The following TAF10 variants were observed in gnomAD, a reference collection of about 807,000 sequenced individuals.
TAF10 encodes TATA-box binding protein associated factor 10.
TAF10 carries 2 observed loss-of-function variants against 18.1 expected under a neutral mutation model. The observed-to-expected ratio is 0.11, with a 90% CI of 0.05 to 0.35. The LOEUF (loss-of-function observed/expected upper bound fraction) is 0.35, where lower values mean the gene tolerates loss of function less well. Ranked by LOEUF, TAF10 falls within the 10% of genes least tolerant of loss-of-function variation. The probability of loss-of-function intolerance (pLI) is 1.00; values close to 1 mark genes in which losing one functional copy is unlikely to be tolerated. For synonymous variants in TAF10, 158 were observed against 134.6 expected, an observed-to-expected ratio of 1.17 and a Z score of -1.20; for missense variants, 293 against 306.9, an observed-to-expected ratio of 0.95 and a Z score of 0.34.
rs1855482638 is a variant in TAF10, at chr11:6,612,123, G to A, written c.67C>T (p.Pro23Ser). Residue 23 changes from proline to serine, a missense_variant, in exon 1 of 5, where the codon CCC becomes TCC. Physicochemically the swap from Pro to Ser is moderately conservative, Grantham distance 74 (BLOSUM62 -1). Transcript: ENST00000299424. ...GCGGGAGCCGAGACCGGGGGCGCGG[G>A]GCCCGGGGCCGAGGCGGCGGAGGCC... Reference protein sequence around the residue: ...APASAASAPGPAPPVSAPAAL... With the variant: ...APASAASAPGSAPPVSAPAAL... 4.1e-6 allele frequency: 5 copies of A among 1,209,736 alleles called. No homozygotes were observed. The highest frequency in any genetic ancestry group is 4.1e-6 in the Non-Finnish European group (4 of 974,894). 74.9% of individuals were successfully genotyped at this position (1,209,736 alleles called of 1,614,324 possible). A position where few individuals can be genotyped will look rare whatever the true frequency, so the allele number is the denominator to read the frequency against.
At position 6,609,218 on chromosome 11, in the gene TAF10, T is replaced by C. The variant is rs958923887; in HGVS notation, c.*1704A>G. ...CCCCATAAATTACTTGCTTTGTACC[T>C]GTTTTAAGTTTTTCCTCCAGTTAGT... On this transcript the variant is annotated 3_prime_UTR_variant, in exon 5 of 5. Coordinates refer to ENST00000299424, the MANE Select transcript of TAF10 (RefSeq NM_006284.4). 6.2e-7 allele frequency: 1 copy of C among 1,600,290 alleles called. No homozygotes were observed. The highest frequency in any genetic ancestry group is 2.2e-5 in the East Asian group (1 of 44,806).
Position 6,608,380 on chromosome 11 carries a change from G to C in TAF10, c.*2542C>G, listed in dbSNP as rs1397042828. Reference sequence around the variant, plus strand: ...ACTTTCTGCCTCTTCTTTTTGTCTGGCCATGGGGTCCAGCTATTGCAGTAC... The same window carrying C: ...ACTTTCTGCCTCTTCTTTTTGTCTGCCCATGGGGTCCAGCTATTGCAGTAC... On this transcript the variant is annotated 3_prime_UTR_variant, in exon 5 of 5. Transcript: ENST00000299424. This position sits in a 1 kb window ranked among gnomAD's most constrained non-coding sequence, Gnocchi z 4.9. The C allele has an allele frequency of 6.2e-7, 1 of 1,612,158 alleles. No homozygotes were observed. The highest frequency in any genetic ancestry group is 2.2e-5 in the East Asian group (1 of 44,870).
At position 6,611,455 on chromosome 11, in the gene TAF10, G is replaced by A; in HGVS notation, c.388-3C>T. 6.2e-7 allele frequency: 1 copy of A among 1,614,118 alleles called. No individual in the cohort carries two copies. Among genetic ancestry groups the A allele is most frequent in the Non-Finnish European group, 8.5e-7 (1 of 1,180,024 alleles). The stretch of plus-strand genomic sequence containing the variant: ...TAACCAGTCACTGCATCTGGGATCT[G>A]AGAAATCAATTAAGAGAACTGTCAG... On this transcript the variant is annotated splice_polypyrimidine_tract_variant and splice_region_variant and intron_variant, in intron 2 of 4. Transcript: ENST00000299424.
In TAF10 at chr11:6,610,115, G is replaced by A. The variant is rs756195303; in HGVS notation, c.*807C>T. On this transcript the variant is annotated 3_prime_UTR_variant, in exon 5 of 5. Transcript: ENST00000299424. ...AAGGGGGCAGAGACAGGACAGGCAA[G>A]GGGGCCAGAACAGACAAGCCCTATC... The A allele has an allele frequency of 6.2e-6, 10 of 1,614,180 alleles. No homozygotes were observed. In the South Asian group the frequency reaches 1.1e-4, roughly 18 times the overall value.
rs1246703276 is a variant in TAF10, at chr11:6,609,740, G to C, written c.*1182C>G. 5 of 1,614,214 alleles carry C rather than the reference G, an allele frequency of 3.1e-6. No homozygotes were observed. Among genetic ancestry groups the C allele is most frequent in the East Asian group, 4.5e-5 (2 of 44,882 alleles). ...TCCTCTCAGATTTCGTCGTGGACCAGAGCCAGGCTGTGAAGTTTGCTTTGG... is the reference window on the plus strand; with the variant it reads ...TCCTCTCAGATTTCGTCGTGGACCACAGCCAGGCTGTGAAGTTTGCTTTGG... On this transcript the variant is annotated 3_prime_UTR_variant, in exon 5 of 5. Coordinates refer to ENST00000299424, the MANE Select transcript of TAF10 (RefSeq NM_006284.4).
Position 6,608,850 on chromosome 11 carries a change from C to G in TAF10, c.*2072G>C. ...GTCCCTTCCCACCTGTCTTCTCCCT[C>G]TGTACCACAGCTTAGGTTGTTTTTC... On this transcript the variant is annotated 3_prime_UTR_variant, in exon 5 of 5. Transcript: ENST00000299424. The surrounding 1 kb of genome is among the most constrained non-coding windows in gnomAD (Gnocchi z 4.9). 2 of 1,613,456 alleles carry G rather than the reference C, an allele frequency of 1.2e-6. No individual in the cohort carries two copies. Among genetic ancestry groups the G allele is most frequent in the Non-Finnish European group, 1.7e-6 (2 of 1,179,344 alleles).
Position 6,608,917 on chromosome 11 carries a change from G to A in TAF10, c.*2005C>T, listed in dbSNP as rs569140095. ...GAGAAGATGGGCCAGAATCTCAACC[G>A]TATTCCATACAAGGACACATTCTGG... On this transcript the variant is annotated 3_prime_UTR_variant, in exon 5 of 5. Coordinates refer to ENST00000299424, the MANE Select transcript of TAF10 (RefSeq NM_006284.4). The surrounding 1 kb of genome is among the most constrained non-coding windows in gnomAD (Gnocchi z 4.9). 2.5e-5 allele frequency: 40 copies of A among 1,613,998 alleles called. No individual in the cohort carries two copies. Among genetic ancestry groups the A allele is most frequent in the Non-Finnish European group, 2.7e-5 (32 of 1,180,052 alleles).
In TAF10 at chr11:6,608,248, A is replaced by G. The variant is rs770689583; in HGVS notation, c.*2674T>C. ...CTCCTTCGTCATCCACATCACATAC[A>G]TGCCATGAGGGTCAGTCACAGGCAC... On this transcript the variant is annotated 3_prime_UTR_variant, in exon 5 of 5. Coordinates refer to ENST00000299424, the MANE Select transcript of TAF10 (RefSeq NM_006284.4). The surrounding 1 kb of genome is among the most constrained non-coding windows in gnomAD (Gnocchi z 4.9). The G allele has an allele frequency of 2.5e-6, 4 of 1,611,088 alleles. No homozygotes were observed. The highest frequency in any genetic ancestry group is 4.5e-5 in the East Asian group (2 of 44,866).
In TAF10 at chr11:6,611,560, C is replaced by T. The variant is rs1188780917; in HGVS notation, c.387+104G>A. 13 of 1,593,756 alleles carry T rather than the reference C, an allele frequency of 8.2e-6. 1 individual carries two copies. In the East Asian group the frequency reaches 2.0e-4, roughly 25 times the overall value. On this transcript the variant is annotated intron_variant, in intron 2 of 4. Coordinates refer to ENST00000299424, the MANE Select transcript of TAF10 (RefSeq NM_006284.4). Reference sequence around the variant, plus strand: ...AGTTTGGGTGAGCAGAGGGCAAACACAGAAGAGCGACTAGGGGAGCAAATG... The same window carrying T: ...AGTTTGGGTGAGCAGAGGGCAAACATAGAAGAGCGACTAGGGGAGCAAATG...
Position 6,608,706 on chromosome 11 carries a change from A to T in TAF10, c.*2216T>A, listed in dbSNP as rs1368347084. 3.1e-6 allele frequency: 5 copies of T among 1,613,900 alleles called. No homozygotes were observed. Among genetic ancestry groups the T allele is most frequent in the Non-Finnish European group, 4.2e-6 (5 of 1,179,908 alleles). On this transcript the variant is annotated 3_prime_UTR_variant, in exon 5 of 5. Transcript: ENST00000299424. This position sits in a 1 kb window ranked among gnomAD's most constrained non-coding sequence, Gnocchi z 4.9. ...CTTTTCATTCCAGGACCTGGTGGCAAATGGGGCCCTTGTCAGCATCTGTAA... is the reference window on the plus strand; with the variant it reads ...CTTTTCATTCCAGGACCTGGTGGCATATGGGGCCCTTGTCAGCATCTGTAA...
chr11:6,609,716 C>T lies in TAF10; in HGVS notation c.*1206G>A. 1 of 1,614,170 alleles carries T rather than the reference C, an allele frequency of 6.2e-7. No individual in the cohort carries two copies. The highest frequency in any genetic ancestry group is 8.5e-7 in the Non-Finnish European group (1 of 1,180,028). Reference sequence around the variant, plus strand: ...TCTCTGAACTATTTGACTTTTGCCTCCTCTCAGATTTCGTCGTGGACCAGA... The same window carrying T: ...TCTCTGAACTATTTGACTTTTGCCTTCTCTCAGATTTCGTCGTGGACCAGA... On this transcript the variant is annotated 3_prime_UTR_variant, in exon 5 of 5. Transcript: ENST00000299424.
At position 6,610,167 on chromosome 11, in the gene TAF10, A is replaced by G; in HGVS notation, c.*755T>C. On this transcript the variant is annotated 3_prime_UTR_variant, in exon 5 of 5. Coordinates refer to ENST00000299424, the MANE Select transcript of TAF10 (RefSeq NM_006284.4). ...CTCCAGCTCTGCAGAAGAAGCCTGAAGACACAAACAGACGCTCAGCAGACA... is the reference window on the plus strand; with the variant it reads ...CTCCAGCTCTGCAGAAGAAGCCTGAGGACACAAACAGACGCTCAGCAGACA... 1 of 1,614,266 alleles carries G rather than the reference A, an allele frequency of 6.2e-7. No individual in the cohort carries two copies. The highest frequency in any genetic ancestry group is 8.5e-7 in the Non-Finnish European group (1 of 1,180,052).
chr11:6,609,838 G>C lies in TAF10; in HGVS notation c.*1084C>G. 6.2e-7 allele frequency: 1 copy of C among 1,614,250 alleles called. No individual in the cohort carries two copies. The highest frequency in any genetic ancestry group is 8.5e-7 in the Non-Finnish European group (1 of 1,180,028). ...CCACGACATGCACTCAATAGCCGTA[G>C]TGTAATGGTGAGGCCACAAGCTCAC... On this transcript the variant is annotated 3_prime_UTR_variant, in exon 5 of 5. Coordinates refer to ENST00000299424, the MANE Select transcript of TAF10 (RefSeq NM_006284.4).
rs1287846517 is a variant in TAF10 at position 6,609,121 on chromosome 11, T to A, written c.*1801A>T. ...TGGCATTGACTTCAAACAGCTTAACTTCCTGACGAAGCTCAACGAGAATCA... is the reference window on the plus strand; with the variant it reads ...TGGCATTGACTTCAAACAGCTTAACATCCTGACGAAGCTCAACGAGAATCA... On this transcript the variant is annotated 3_prime_UTR_variant, in exon 5 of 5. Coordinates refer to ENST00000299424, the MANE Select transcript of TAF10 (RefSeq NM_006284.4). The A allele has an allele frequency of 2.5e-6, 4 of 1,614,200 alleles. No individual in the cohort carries two copies.
rs1028506514 is a variant in TAF10 at position 6,607,248 on chromosome 11, T to G, written c.*3674A>C. On this transcript the variant is annotated 3_prime_UTR_variant, in exon 5 of 5. Transcript: ENST00000299424. ...CAGGCCCAGCTCCAAACCAATTGTTTTGTTTTGTTTGTATACTTTACTTTA... is the reference window on the plus strand; with the variant it reads ...CAGGCCCAGCTCCAAACCAATTGTTGTGTTTTGTTTGTATACTTTACTTTA... 6.6e-6 allele frequency: 1 copy of G among 152,250 alleles called. No homozygotes were observed. The highest frequency in any genetic ancestry group is 1.5e-5 in the Non-Finnish European group (1 of 68,042). The allele number at this position is 152,250 out of a possible 1,614,324, so 9.4% of individuals were successfully genotyped here. A position where few individuals can be genotyped will look rare whatever the true frequency, so the allele number is the denominator to read the frequency against.
Position 6,609,396 on chromosome 11 carries a change from G to A in TAF10, c.*1526C>T, listed in dbSNP as rs762502276. The A allele has an allele frequency of 1.2e-6, 2 of 1,613,990 alleles. No individual in the cohort carries two copies. Among genetic ancestry groups the A allele is most frequent in the Non-Finnish European group, 1.7e-6 (2 of 1,179,968 alleles). ...AAGAGCAGGGACTTCAATGAAGAGT[G>A]TCCCCGGCTCAGGTAGTGCAAGGCG... is the stretch of plus-strand genomic sequence containing the variant. On this transcript the variant is annotated 3_prime_UTR_variant, in exon 5 of 5. Coordinates refer to ENST00000299424, the MANE Select transcript of TAF10 (RefSeq NM_006284.4).
Position 6,612,069 on chromosome 11 carries a change from T to A in TAF10, c.121A>T (p.Asn41Tyr). The A allele has an allele frequency of 7.1e-7, 1 of 1,401,022 alleles. No individual in the cohort carries two copies. Among genetic ancestry groups the A allele is most frequent in the Non-Finnish European group, 9.2e-7 (1 of 1,086,956 alleles). 86.8% of individuals were successfully genotyped at this position (1,401,022 alleles called of 1,614,324 possible). A position where few individuals can be genotyped will look rare whatever the true frequency, so the allele number is the denominator to read the frequency against. ...GCTGTCCCCGCGGGGCTGGCCTTGTTCTCCGCGGCGGTGCTGGAGGGCAGC... is the reference window on the plus strand; with the variant it reads ...GCTGTCCCCGCGGGGCTGGCCTTGTACTCCGCGGCGGTGCTGGAGGGCAGC... ...AALPSSTAAENKASPAGTAGG... is the reference protein window; with the variant it reads ...AALPSSTAAEYKASPAGTAGG... Residue 41 changes from asparagine to tyrosine, a missense_variant, in exon 1 of 5, where the codon AAC becomes TAC. Coordinates refer to ENST00000299424, the MANE Select transcript of TAF10 (RefSeq NM_006284.4).
chr11:6,608,596 C>T lies in TAF10; in HGVS notation c.*2326G>A, dbSNP rs1855178820. On this transcript the variant is annotated 3_prime_UTR_variant, in exon 5 of 5. Coordinates refer to ENST00000299424, the MANE Select transcript of TAF10 (RefSeq NM_006284.4). This position sits in a 1 kb window ranked among gnomAD's most constrained non-coding sequence, Gnocchi z 4.9. ...ATTCTGTCAGTACTACTGTGTGACA[C>T]TTACAGGATTAAGTTCTACATTTGT... 3.0e-6 allele frequency: 4 copies of T among 1,340,852 alleles called. No homozygotes were observed. In the Admixed American group the frequency reaches 5.0e-5, roughly 17 times the overall value. 83.1% of individuals were successfully genotyped at this position (1,340,852 alleles called of 1,614,324 possible).
rs748450237 is a variant in TAF10 at position 6,609,998 on chromosome 11, T to C, written c.*924A>G. On this transcript the variant is annotated 3_prime_UTR_variant, in exon 5 of 5. Coordinates refer to ENST00000299424, the MANE Select transcript of TAF10 (RefSeq NM_006284.4). ...ATGTCAAGTTCTCTTTCCAATGTCC[T>C]GGTCGCATGTATGCACCTGCCTGGG... 17 of 1,614,102 alleles carry C rather than the reference T, an allele frequency of 1.1e-5. No homozygotes were observed. The South Asian group carries it at 1.8e-4, about 17-fold the overall frequency.
Sources: gnomAD v4.1 joint callset for allele counts on GRCh38, gnomAD v4.1.1 for gene constraint, Gnocchi (gnomAD v3.1) non-coding constraint, MANE v1.5 for transcripts, NCBI Gene and HGNC (gene_info 2026-07-23, HGNC 2026-07-21) for gene names.